Variants in MIS18A observed in about 807,000 individuals in gnomAD.
The protein encoded by MIS18A is protein Mis18-alpha.
In MIS18A, 14 loss-of-function variants were observed where a neutral mutation model predicts 25.0. The observed-to-expected ratio is 0.56, with a 90% CI of 0.37 to 0.88. The LOEUF is 0.88. MIS18A is among the 40% of genes least tolerant of loss of function. The pLI is 0.00. For missense variants in MIS18A, 292 were observed against 290.8 expected (o/e 1.00, Z -0.03); for synonymous variants, 134 against 118.6 (o/e 1.13, Z -0.84).
At chr21:32,273,046 A>G (rs935260944) in intron 2 of MIS18A, among the ~76,000 whole-genome samples, 2 of 152,092 alleles carry the variant, frequency 1.3e-5, no homozygotes, top group African/African-American at 4.8e-5. Flanking sequence ...TGCCGGCACC[A>G]CAATTTCTGT....
chr21:32,222,695 G>T, the MIS18A span, among the ~76,000 whole-genome samples: 3 of 152,128 alleles, frequency 2.0e-5, no homozygotes, highest in African/African-American at 7.2e-5. Flanking sequence ...ACTTTGGGAG[G>T]CCAAGGCGGG....
chr21:32,168,859 T>C, the MIS18A span, among the ~76,000 whole-genome samples: 3 of 152,318 alleles, frequency 2.0e-5, no homozygotes, highest in South Asian at 4.1e-4. Flanking sequence ...AGTAGGATGA[T>C]GGATATGTAC....
the MIS18A span, among the ~76,000 whole-genome samples, chr21:32,193,302 T>G: frequency 6.6e-6 from 1 of 152,148 alleles, no homozygotes. Flanking sequence ...GACAAAGGAC[T>G]GTGTTCGTGG....
At position 32,268,911 on chromosome 21, in the gene MIS18A, G is replaced by A. The variant is rs1276609228; in HGVS notation, c.*126C>T. 2.2e-5 allele frequency: 14 copies of A among 646,896 alleles called. No homozygotes were observed. Among genetic ancestry groups the A allele is most frequent in the East Asian group, 2.0e-4 (7 of 35,512 alleles). The allele number at this position is 646,896 out of a possible 1,614,324, so 40.1% of individuals were successfully genotyped here. A position where few individuals can be genotyped will look rare whatever the true frequency, so the allele number is the denominator to read the frequency against. ...GCTCATCTGATCCTCCCACCTCAGC[G>A]TTTCGCATGCCTGGCTAATTTTTTT... On this transcript the variant is annotated 3_prime_UTR_variant, in exon 5 of 5. Transcript: ENST00000290130.
At chr21:32,270,877 C>T (rs1032778146) in intron 2 of MIS18A, among the ~76,000 whole-genome samples, 1 of 152,162 alleles carries the variant, frequency 6.6e-6, no homozygotes, top group Non-Finnish European at 1.5e-5. Context: ...TGTCACTACT[C>T]ACCTCTGCCA....
chr21:32,203,535 C>A, the MIS18A span, among the ~76,000 whole-genome samples: 1 of 8,900 alleles, frequency 1.1e-4, no homozygotes, highest in South Asian at 4.1e-3. Context: ...TAAAATTCTG[C>A]ATAAAAACAC....
At chr21:32,187,966 G>T in the MIS18A span, among the ~76,000 whole-genome samples, 7 of 151,696 alleles carry the variant, frequency 4.6e-5, no homozygotes, top group South Asian at 1.0e-3. Flanking sequence ...TGAGATCAGG[G>T]TCTTCACAAG....
the MIS18A span, among the ~76,000 whole-genome samples, chr21:32,159,916 G>A: frequency 6.6e-6 from 1 of 152,170 alleles, no homozygotes; most frequent in Non-Finnish European, 1.5e-5. Flanking sequence ...GAGAGAGCAG[G>A]TGGTAAATTG....
chr21:32,274,633 A>G (rs951655936), intron 2 of MIS18A, among the ~76,000 whole-genome samples, 197 bp downstream of exon 2: 1 of 152,224 alleles, frequency 6.6e-6, no homozygotes, highest in Middle Eastern at 3.2e-3. Flanking sequence ...GACCACAACC[A>G]CTCAAGAACT....
the MIS18A span, among the ~76,000 whole-genome samples, chr21:32,177,898 C>CA: frequency 6.7e-3 from 615 of 92,476 alleles, 1 homozygote; most frequent in Admixed American, 0.011. Flanking sequence ...AAAATCCTGG[C>CA]TTTTTTTTTC....
chr21:32,247,199 C>A, the MIS18A span, among the ~76,000 whole-genome samples: 74 of 152,288 alleles, frequency 4.9e-4, no homozygotes, highest in African/African-American at 1.7e-3. Context: ...GAGAAACTGA[C>A]CCAAACGATG....
At chr21:32,212,312 G>A in the MIS18A span, among the ~76,000 whole-genome samples, 36 of 152,270 alleles carry the variant, frequency 2.4e-4, 1 homozygote, top group East Asian at 6.4e-3. Context: ...TCATGCCTCC[G>A]TCCTCCTACT....
At chr21:32,193,173 C>G in the MIS18A span, among the ~76,000 whole-genome samples, 9 of 152,254 alleles carry the variant, frequency 5.9e-5, 1 homozygote, top group South Asian at 1.5e-3. Context: ...GGACAGGCAG[C>G]GCAGCAAGAG....
chr21:32,210,299 G>A, the MIS18A span, among the ~76,000 whole-genome samples: 1 of 152,008 alleles, frequency 6.6e-6, no homozygotes, highest in African/African-American at 2.4e-5. Context: ...ATTTTAAAAG[G>A]CCCTAGCTTA....
the MIS18A span, among the ~76,000 whole-genome samples, chr21:32,219,709 G>C: frequency 6.6e-6 from 1 of 152,150 alleles, no homozygotes; most frequent in Non-Finnish European, 1.5e-5. Context: ...AGAGCCCAAC[G>C]AGCTAAGATC....
Position 32,270,506 on chromosome 21 carries a change from G to A in MIS18A, c.425C>T (p.Ala142Val), listed in dbSNP as rs761083966. 5.6e-6 allele frequency: 9 copies of A among 1,597,348 alleles called. No individual in the cohort carries two copies. The East Asian group carries it at 9.0e-5, about 16-fold the overall frequency. ...GTAGCCAAGATTGAGTGAGCACCCC[G>A]CGCAGCACAAAGTCTCAAGGACGCT... ...NGCVLETLCC[A>V]GCSLNLGYVY... Residue 142 changes from alanine to valine, a missense_variant, in exon 3 of 5, where the codon GCG (alanine) becomes GTG (valine). Coordinates refer to ENST00000290130, the MANE Select transcript of MIS18A (RefSeq NM_018944.3).
At chr21:32,221,909 T>C in the MIS18A span, among the ~76,000 whole-genome samples, 1 of 151,774 alleles carries the variant, frequency 6.6e-6, no homozygotes, top group African/African-American at 2.4e-5. Context: ...AAAGCTAGCA[T>C]CATAATGACA....
chr21:32,275,401 C>G (rs973122169), intron 1 of MIS18A, among the ~76,000 whole-genome samples: 2 of 152,084 alleles, frequency 1.3e-5, no homozygotes, highest in African/African-American at 4.8e-5. Context: ...AATTGGGTTC[C>G]AAACCTAGGA....
At chr21:32,221,723 C>CA in the MIS18A span, among the ~76,000 whole-genome samples, 7,228 of 108,562 alleles carry the variant, frequency 0.067, 344 homozygotes, top group African/African-American at 0.14. Context: ...ACGAATAATA[C>CA]AAAAAAAAAA....
Sources: gnomAD v4.1 joint callset for allele counts (sites outside exome capture counted in the v4.1 genomes callset) on GRCh38, gnomAD v4.1.1 for gene constraint, MANE v1.5 for transcripts, NCBI Gene and HGNC (gene_info 2026-07-23, HGNC 2026-07-21) for gene names.